ERVFRD-1: variants seen among roughly 807,000 people sequenced by gnomAD.
The protein encoded by ERVFRD-1 is syncytin-2.
In ERVFRD-1, 33 loss-of-function variants were observed where a neutral mutation model predicts 43.8. The observed-to-expected ratio is 0.75, with a 90% CI of 0.57 to 1.01. The LOEUF (loss-of-function observed/expected upper bound fraction) is 1.01. Among genes scored for constraint, ERVFRD-1 ranks in the 50% least tolerant of loss-of-function variants. The pLI is 0.00. For missense variants in ERVFRD-1, 568 were observed against 658.4 expected, an observed-to-expected ratio of 0.86 and a Z score of 1.50; for synonymous variants, 239 against 244.4, an observed-to-expected ratio of 0.98 and a Z score of 0.21.
chr6:11,110,753 C>G (rs1052687703), intron 1 of ERVFRD-1, among the ~76,000 whole-genome samples: 2 of 152,114 alleles, frequency 1.3e-5, no homozygotes, highest in African/African-American at 4.8e-5. Context: ...TTTGAGAGGG[C>G]AACGTTTATT....
chr6:11,110,130 C>G (rs971989810), intron 1 of ERVFRD-1, among the ~76,000 whole-genome samples: 12 of 152,152 alleles, frequency 7.9e-5, no homozygotes, highest in Non-Finnish European at 1.8e-4. Flanking sequence ...TTCTCTTAAT[C>G]CTGTGCCTAT....
At chr6:11,110,895 A>C (rs1291437222) in intron 1 of ERVFRD-1, among the ~76,000 whole-genome samples, 2 of 152,188 alleles carry the variant, frequency 1.3e-5, no homozygotes, top group Non-Finnish European at 2.9e-5. Flanking sequence ...TGGGGTCCTT[A>C]AGGGCTACAG....
At position 11,104,162 on chromosome 6, in the gene ERVFRD-1, C is replaced by G; in HGVS notation, c.1149G>C (p.Gln383His). The G allele has an allele frequency of 6.4e-7, 1 of 1,551,710 alleles. No individual in the cohort carries two copies. Among genetic ancestry groups the G allele is most frequent in the Non-Finnish European group, 8.7e-7 (1 of 1,146,996 alleles). ...GITKASLTYS[Q>H]LSKEIANNID... Reference sequence around the variant, plus strand: ...TGTTGTTGGCTATTTCCTTTGAGAGCTGGCTATAGGTGAGGGAAGCTTTTG... The same window carrying G: ...TGTTGTTGGCTATTTCCTTTGAGAGGTGGCTATAGGTGAGGGAAGCTTTTG... Residue 383 changes from glutamine (Q) to histidine (H), a missense_variant, in exon 2 of 2, where the codon CAG becomes CAC. By Grantham distance (24) the Gln-to-His change is conservative. Transcript: ENST00000472091.
rs531962436 is a variant in ERVFRD-1, at chr6:11,104,902, C to T, written c.409G>A (p.Val137Ile). ...CAGACTGTACTTGGAAGAGTGCCTA[C>T]ATTTGTTCCATTTTTCCTTTTGGCC... ...VMAKRKNGTNVGTLPSTVCNV... is the reference protein window; with the variant it reads ...VMAKRKNGTNIGTLPSTVCNV... Residue 137 changes from valine to isoleucine, a missense_variant, in exon 2 of 2, where the codon GTA becomes ATA. By Grantham distance (29) the Val-to-Ile change is conservative. Coordinates refer to ENST00000472091, the MANE Select transcript of ERVFRD-1 (RefSeq NM_207582.3). The T allele has an allele frequency of 6.2e-7, 1 of 1,614,204 alleles. No homozygotes were observed. Among genetic ancestry groups the T allele is most frequent in the African/African-American group, 1.3e-5 (1 of 75,036 alleles).
rs1345634705 is a variant in ERVFRD-1, at chr6:11,104,681, A to G, written c.630T>C (p.Ala210=). 2.5e-6 allele frequency: 4 copies of G among 1,614,236 alleles called. No individual in the cohort carries two copies. Among genetic ancestry groups the G allele is most frequent in the Non-Finnish European group, 3.4e-6 (4 of 1,180,042 alleles). ...AAATTTGCAGACATTGGTTATAATC[A>G]GCAGGCCGGAACCAGAAGTTTCGAG... ...CSTRNFWFRP[A]DYNQCLQISN... Residue 210 remains alanine, a synonymous_variant, in exon 2 of 2, where the codon GCT becomes GCC. Transcript: ENST00000472091.
Position 11,105,437 on chromosome 6 carries a change from C to G in ERVFRD-1, c.-127G>C, listed in dbSNP as rs1432496177. 2 of 696,772 alleles carry G rather than the reference C, an allele frequency of 2.9e-6. No individual in the cohort carries two copies. Among genetic ancestry groups the G allele is most frequent in the Non-Finnish European group, 4.8e-6 (2 of 414,912 alleles). The allele number at this position is 696,772 out of a possible 1,614,324, so 43.2% of individuals were successfully genotyped here. ...GTAAAATTTCTAGTATTGGGATCACCTTACTTTGAGGTGAAAGGATGTTGG... is the reference window on the plus strand; with the variant it reads ...GTAAAATTTCTAGTATTGGGATCACGTTACTTTGAGGTGAAAGGATGTTGG... On this transcript the variant is annotated 5_prime_UTR_variant, in exon 2 of 2. Coordinates refer to ENST00000472091, the MANE Select transcript of ERVFRD-1 (RefSeq NM_207582.3).
In ERVFRD-1 at chr6:11,104,048, G is replaced by A; in HGVS notation, c.1263C>T (p.Asp421=). 1 of 1,551,694 alleles carries A rather than the reference G, an allele frequency of 6.4e-7. No individual in the cohort carries two copies. Reference sequence around the variant, plus strand: ...TTCCTCCCTGTGCTGCCGTTAACATGTCTAGTCCTCGACGATTTTGAAGGA... The same window carrying A: ...TTCCTCCCTGTGCTGCCGTTAACATATCTAGTCCTCGACGATTTTGAAGGA... ...AVVLQNRRGL[D]MLTAAQGGIC... Residue 421 remains aspartate (D), a synonymous_variant, in exon 2 of 2, where the codon GAC becomes GAT. Coordinates refer to ENST00000472091, the MANE Select transcript of ERVFRD-1 (RefSeq NM_207582.3).
In ERVFRD-1 at chr6:11,105,241, A is replaced by G. The variant is rs558809961; in HGVS notation, c.70T>C (p.Leu24=). 1 of 1,614,166 alleles carries G rather than the reference A, an allele frequency of 6.2e-7. No individual in the cohort carries two copies. The highest frequency in any genetic ancestry group is 1.3e-5 in the African/African-American group (1 of 75,044). The change falls in exon 2 of 2, where the codon TTA becomes CTA. Residue 24 remains leucine (L), a synonymous_variant. Transcript: ENST00000472091. ...AGCAGTTGCTGAGCTTTTTCCAATA[A>G]CGGGAAATCAGGATGGCGGTAGGCT... ...LAAYRHPDFP[L]LEKAQQLLQS... is the part of the protein sequence containing the mutation.
intron 1 of ERVFRD-1, among the ~76,000 whole-genome samples, chr6:11,106,271 C>T (rs116393060): frequency 9.3e-4 from 141 of 152,314 alleles, no homozygotes; most frequent in African/African-American, 3.1e-3. Context: ...ACACAGACCA[C>T]GAGGTACTTA....
At chr6:11,109,243 T>C (rs1352596134) in intron 1 of ERVFRD-1, among the ~76,000 whole-genome samples, 1 of 152,214 alleles carries the variant, frequency 6.6e-6, no homozygotes, top group Non-Finnish European at 1.5e-5. Context: ...TAAAACACTT[T>C]GATATATTTG....
chr6:11,110,973 A>G (rs1224738841), intron 1 of ERVFRD-1, among the ~76,000 whole-genome samples: 2 of 152,210 alleles, frequency 1.3e-5, no homozygotes, highest in Admixed American at 1.3e-4. Flanking sequence ...GGAGCATAAC[A>G]GGGATGAAAA....
At position 11,104,274 on chromosome 6, in the gene ERVFRD-1, G is replaced by A; in HGVS notation, c.1037C>T (p.Pro346Leu). The A allele has an allele frequency of 6.4e-7, 1 of 1,551,700 alleles. No individual in the cohort carries two copies. Among genetic ancestry groups the A allele is most frequent in the Non-Finnish European group, 8.7e-7 (1 of 1,147,002 alleles). The change falls in exon 2 of 2, where the codon CCC becomes CTC. Residue 346 changes from proline to leucine, a missense_variant. Transcript: ENST00000472091. ...GAAATGGATTGCCCTCCTCACCCTG[G>A]GCAACGGGGAATTCCCATAGATTGG... is the stretch of plus-strand genomic sequence containing the variant. ...PIPIYGNSPL[P>L]RVRRAIHFIP...
rs756385693 is a variant in ERVFRD-1 at position 11,103,754 on chromosome 6, C to T, written c.1557G>A (p.Lys519=). Residue 519 remains lysine, a synonymous_variant, in exon 2 of 2, where the codon AAG becomes AAA. Coordinates refer to ENST00000472091, the MANE Select transcript of ERVFRD-1 (RefSeq NM_207582.3). The part of the protein sequence containing the change: ...QFVSSRLQAI[K]LQTNLSAGRH... The stretch of plus-strand genomic sequence containing the variant: ...GTCCTGCACTGAGATTCGTCTGGAG[C>T]TTTATGGCCTGAAGGCGAGAGGAGA... The T allele has an allele frequency of 6.4e-7, 1 of 1,551,494 alleles. No individual in the cohort carries two copies. Among genetic ancestry groups the T allele is most frequent in the Admixed American group, 2.0e-5 (1 of 50,980 alleles).
intron 1 of ERVFRD-1, among the ~76,000 whole-genome samples, chr6:11,109,716 A>G (rs1343539542): frequency 6.6e-6 from 1 of 152,032 alleles, no homozygotes; most frequent in Non-Finnish European, 1.5e-5. Flanking sequence ...CTTTTATTCA[A>G]CCCAGGCTGT....
rs546842353 is a variant in ERVFRD-1 at position 11,107,134 on chromosome 6, G to A, written c.-320-1504C>T. Among the ~76,000 whole-genome samples, 8 of 152,274 alleles carry A rather than the reference G, an allele frequency of 5.3e-5. No individual in the cohort carries two copies. The South Asian group carries it at 1.2e-3, about 24-fold the overall frequency. ...CCACCTGAAAACCGTATGTCATGTGGATTATCTAGGAGCTGATCTTTTAAA... is the reference window on the plus strand; with the variant it reads ...CCACCTGAAAACCGTATGTCATGTGAATTATCTAGGAGCTGATCTTTTAAA... On this transcript the variant is annotated intron_variant, in intron 1 of 1. Transcript: ENST00000472091.
rs367587221 is a variant in ERVFRD-1, at chr6:11,105,302, C to G, written c.9G>C (p.Leu3=). The G allele has an allele frequency of 1.6e-5, 26 of 1,612,190 alleles. No homozygotes were observed. Among genetic ancestry groups the G allele is most frequent in the Non-Finnish European group, 2.0e-5 (24 of 1,178,980 alleles). ...GCGTGAGAATGAGAACCAGCAGGAG[C>G]AGGCCCATGGTGACCTAAGAGAAAC... MG[L]LLLVLILTPS... is the part of the protein sequence containing the mutation. Residue 3 remains leucine (L), a synonymous_variant, in exon 2 of 2, where the codon CTG becomes CTC. Transcript: ENST00000472091.
In ERVFRD-1 at chr6:11,104,153, C is replaced by T. The variant is rs1758044884; in HGVS notation, c.1158G>A (p.Lys386=). ...TGGTGTCAATGTTGTTGGCTATTTC[C>T]TTTGAGAGCTGGCTATAGGTGAGGG... ...KASLTYSQLS[K]EIANNIDTMA... The change falls in exon 2 of 2, where the codon AAG becomes AAA. Residue 386 remains lysine (K), a synonymous_variant. Coordinates refer to ENST00000472091, the MANE Select transcript of ERVFRD-1 (RefSeq NM_207582.3). 1 of 1,551,590 alleles carries T rather than the reference C, an allele frequency of 6.4e-7. No individual in the cohort carries two copies.
intron 1 of ERVFRD-1, among the ~76,000 whole-genome samples, chr6:11,107,939 T>C (rs1758111367): frequency 6.6e-6 from 1 of 152,250 alleles, no homozygotes; most frequent in African/African-American, 2.4e-5. Flanking sequence ...ATTGCCATTA[T>C]GGCCTTTCCT....
chr6:11,107,426 A>G (rs1329718422), intron 1 of ERVFRD-1, among the ~76,000 whole-genome samples: 1 of 152,122 alleles, frequency 6.6e-6, no homozygotes, highest in Non-Finnish European at 1.5e-5. Flanking sequence ...TCATCCATGT[A>G]TTGTAGGAGA....
Sources: gnomAD v4.1 joint callset for allele counts (sites outside exome capture counted in the v4.1 genomes callset) on GRCh38, gnomAD v4.1.1 for gene constraint, MANE v1.5 for transcripts, NCBI Gene and HGNC (gene_info 2026-07-23, HGNC 2026-07-21) for gene names.